PIEZO2: variants seen among roughly 807,000 people sequenced by gnomAD.
PIEZO2 encodes the protein piezo-type mechanosensitive ion channel component 2.
A neutral mutation model predicts 337.3 loss-of-function variants in PIEZO2; 172 were observed. The ratio of observed to expected loss-of-function variants is 0.51; its 90% CI spans 0.45 to 0.58. The LOEUF (loss-of-function observed/expected upper bound fraction) is 0.58, where lower values mean the gene tolerates loss of function less well. PIEZO2 is among the 20% of genes least tolerant of loss of function. The pLI is 0.00. For missense variants in PIEZO2, 3,028 were observed against 3,391.3 expected (o/e 0.89, Z 2.66); for synonymous variants, 1,251 against 1,228.5 (o/e 1.02, Z -0.38).
At chr18:10,948,611 G>A (rs1329169677) in intron 3 of PIEZO2, among the ~76,000 whole-genome samples, 3 of 152,208 alleles carry the variant, frequency 2.0e-5, no homozygotes, top group Non-Finnish European at 4.4e-5. Context: ...TTTGGCGATA[G>A]AGATACGCGC....
intron 28 of PIEZO2, among the ~76,000 whole-genome samples, chr18:10,751,404 C>T (rs1039089906): frequency 7.2e-5 from 11 of 152,318 alleles, no homozygotes; most frequent in Admixed American, 5.9e-4. Context: ...GTTGTCCTGT[C>T]TCATGCTCTC....
chr18:11,024,674 CTT>C (rs1374558935), intron 2 of PIEZO2, among the ~76,000 whole-genome samples: 1 of 151,804 alleles, frequency 6.6e-6, no homozygotes, highest in Non-Finnish European at 1.5e-5. Flanking sequence ...GAGTTTCACT[CTT>C]GTCACCCAGG....
At chr18:10,905,896 G>C (rs188077229) in intron 4 of PIEZO2, among the ~76,000 whole-genome samples, 145 of 152,308 alleles carry the variant, frequency 9.5e-4, no homozygotes, top group Non-Finnish European at 1.6e-3. Context: ...TATTAAGAGA[G>C]TCTCCTCCTT....
At chr18:10,743,435 G>A (rs2037302709) in intron 31 of PIEZO2, among the ~76,000 whole-genome samples, 1 of 152,072 alleles carries the variant, frequency 6.6e-6, no homozygotes, top group African/African-American at 2.4e-5. Context: ...CATCATTGCT[G>A]GAAATTTCAC....
chr18:10,934,677 GTGTGTT>G (rs1289938571), intron 3 of PIEZO2, among the ~76,000 whole-genome samples: 6 of 149,092 alleles, frequency 4.0e-5, no homozygotes, highest in Non-Finnish European at 8.9e-5. Context: ...GTGTGTGTGT[GTGTGTT>G]GGGCTCCTTG....
At position 10,795,388 on chromosome 18, in the gene PIEZO2, T is replaced by C. The variant is rs570706014; in HGVS notation, c.1528-386A>G. Among the ~76,000 whole-genome samples the C allele has an allele frequency of 5.6e-3, 125 of 22,370 alleles. 2 individuals are homozygous for C. Among genetic ancestry groups the C allele is most frequent in the African/African-American group, 0.018 (118 of 6,702 alleles). The allele number at this position is 22,370 out of a possible 152,430, so 14.7% of individuals were successfully genotyped here. A position where few individuals can be genotyped will look rare whatever the true frequency, so the allele number is the denominator to read the frequency against. ...TATTTTATTTTATTTTATTTTATTT[T>C]ATTTTATTTTATTTTATTTTATTCA... On this transcript the variant is annotated intron_variant, in intron 12 of 55. Coordinates refer to ENST00000674853, the MANE Select transcript of PIEZO2 (RefSeq NM_001378183.1). The surrounding 1 kb of genome is among the most constrained non-coding windows in gnomAD (Gnocchi z 4.4).
rs376427770 is a variant in PIEZO2, at chr18:10,979,581, C to T, written c.240G>A (p.Thr80=). Residue 80 remains threonine, a synonymous_variant, in exon 3 of 56, where the codon ACG becomes ACA. Transcript: ENST00000674853. This position sits in a 1 kb window ranked among gnomAD's most constrained non-coding sequence, Gnocchi z 4.0. ...FLLLHIIFHI[T]LVSLEAQHRI... ...GATGTTGAGCTTCAAGGCTCACCAACGTGATGTGGAAAATGATGTGCAGCA... is the reference window on the plus strand; with the variant it reads ...GATGTTGAGCTTCAAGGCTCACCAATGTGATGTGGAAAATGATGTGCAGCA... 1.7e-4 allele frequency: 264 copies of T among 1,535,692 alleles called. 3 individuals are homozygous for T. The African/African-American group carries it at 2.9e-3, about 17-fold the overall frequency.
Position 10,874,526 on chromosome 18 carries a change from G to A in PIEZO2, c.330-3111C>T, listed in dbSNP as rs368480653. On this transcript the variant is annotated intron_variant, in intron 4 of 55. Coordinates refer to ENST00000674853, the MANE Select transcript of PIEZO2 (RefSeq NM_001378183.1). The stretch of plus-strand genomic sequence containing the variant: ...ATATCTGCACTTCTATATTTACTGC[G>A]GCACTATTCACAATAGTCAAGATAT... Among the ~76,000 whole-genome samples, 9 of 152,178 alleles carry A rather than the reference G, an allele frequency of 5.9e-5. No individual in the cohort carries two copies. The South Asian group carries it at 6.2e-4, about 11-fold the overall frequency.
intron 1 of PIEZO2, among the ~76,000 whole-genome samples, chr18:11,139,104 G>A (rs143118044): frequency 2.0e-5 from 3 of 152,300 alleles, no homozygotes; most frequent in African/African-American, 4.8e-5. Flanking sequence ...AGTATTTACC[G>A]TATGTCGGGC....
At chr18:10,873,591 T>TTTTTATATATCATCA (rs2042191761) in intron 4 of PIEZO2, among the ~76,000 whole-genome samples, 1 of 149,200 alleles carries the variant, frequency 6.7e-6, no homozygotes, top group Non-Finnish European at 1.5e-5. Context: ...TGATGATTTA[T>TTTTTATATATCATCA]TTTTATATAT....
chr18:10,738,283 T>C (rs967889618), intron 33 of PIEZO2: 4 of 152,214 alleles, frequency 2.6e-5, no homozygotes, highest in African/African-American at 9.6e-5. Flanking sequence ...ACACAGACTA[T>C]TATAAGATCG....
At chr18:11,006,168 C>T (rs954353300) in intron 2 of PIEZO2, among the ~76,000 whole-genome samples, 7 of 152,048 alleles carry the variant, frequency 4.6e-5, no homozygotes, top group Admixed American at 2.0e-4. Flanking sequence ...TATCACAGTA[C>T]CCTGTTTTGT....
At chr18:10,975,187 A>C (rs570939211) in intron 3 of PIEZO2, among the ~76,000 whole-genome samples, 39 of 152,322 alleles carry the variant, frequency 2.6e-4, no homozygotes, top group Middle Eastern at 6.8e-3. Context: ...TCTAACTCAA[A>C]AGTTTCTTTC....
At chr18:10,906,509 A>G (rs773383821) in intron 4 of PIEZO2, among the ~76,000 whole-genome samples, 3 of 152,176 alleles carry the variant, frequency 2.0e-5, no homozygotes, top group Non-Finnish European at 2.9e-5. Context: ...AGCCTTAGAT[A>G]GAGAAAATTG....
intron 3 of PIEZO2, among the ~76,000 whole-genome samples, chr18:10,922,407 TG>T (rs1474799446): frequency 3.3e-5 from 5 of 151,600 alleles, no homozygotes; most frequent in Admixed American, 2.6e-4. Flanking sequence ...AGAATGCAGG[TG>T]GGAGGTGAGA....
chr18:10,802,692 G>A (rs188681074), intron 9 of PIEZO2, among the ~76,000 whole-genome samples: 49 of 152,190 alleles, frequency 3.2e-4, no homozygotes, highest in African/African-American at 1.1e-3. Context: ...TTTTAGTGCC[G>A]GGCGCAGTGA....
At chr18:10,768,191 T>C (rs1457106838) in intron 21 of PIEZO2, among the ~76,000 whole-genome samples, 1 of 152,140 alleles carries the variant, frequency 6.6e-6, no homozygotes, top group African/African-American at 2.4e-5. Context: ...TCTCGATGAT[T>C]CTCTGTGGGT....
intron 7 of PIEZO2, among the ~76,000 whole-genome samples, chr18:10,841,282 A>C (rs2041184666): frequency 6.6e-6 from 1 of 152,148 alleles, no homozygotes; most frequent in Non-Finnish European, 1.5e-5. Context: ...AAAATTGCTC[A>C]AGCTTACTGC....
At chr18:10,756,021 G>C (rs1244770534) in intron 27 of PIEZO2, among the ~76,000 whole-genome samples, 1 of 143,166 alleles carries the variant, frequency 7.0e-6, no homozygotes, top group Non-Finnish European at 1.5e-5. Context: ...TGAGGAGGAG[G>C]GATGGGGATA....
Sources: gnomAD v4.1 joint callset for allele counts (sites outside exome capture counted in the v4.1 genomes callset) on GRCh38, gnomAD v4.1.1 for gene constraint, Gnocchi (gnomAD v3.1) non-coding constraint, MANE v1.5 for transcripts, NCBI Gene and HGNC (gene_info 2026-07-23, HGNC 2026-07-21) for gene names.